The following CDH4 variants were observed in gnomAD, a reference collection of about 807,000 sequenced individuals.
The protein encoded by CDH4 is cadherin-4.
Under a neutral mutation model 86.0 loss-of-function variants are expected in CDH4, and 33 were observed. The observed-to-expected ratio is 0.38, with a 90% CI of 0.29 to 0.51. The LOEUF (loss-of-function observed/expected upper bound fraction) is 0.51. Ranked by LOEUF, CDH4 falls within the 20% of genes least tolerant of loss-of-function variation. The pLI is 0.86. For synonymous variants in CDH4, 555 were observed against 549.4 expected (o/e 1.01, Z -0.14); for missense variants, 1,114 against 1,307.4 (o/e 0.85, Z 2.28).
At chr20:61,771,253 AGCTGTCTT>A (rs2088773146) in intron 3 of CDH4, among the ~76,000 whole-genome samples, 2 of 151,574 alleles carry the variant, frequency 1.3e-5, no homozygotes, top group Admixed American at 6.6e-5. Context: ...CAGGTGATCC[AGCTGTCTT>A]GACCTCCCAA....
At chr20:61,897,663 A>G (rs2122879599) in intron 8 of CDH4, among the ~76,000 whole-genome samples, 1 of 152,300 alleles carries the variant, frequency 6.6e-6, no homozygotes, top group South Asian at 2.1e-4. Context: ...GGACTGGGGC[A>G]GAGGGTCCCC....
At chr20:61,647,556 T>TCTCTCTCTCTCTCTCTCTCTCTCTCTCC (rs1568731977) in intron 2 of CDH4, among the ~76,000 whole-genome samples, 1 of 105,786 alleles carries the variant, frequency 9.5e-6, no homozygotes, top group African/African-American at 3.5e-5. Flanking sequence ...CCTCTCCCTC[T>TCTCTCTCTCTCTCTCTCTCTCTCTCTCC]CCCTCTCCCT....
chr20:61,855,677 T>C (rs1438157799), intron 6 of CDH4, among the ~76,000 whole-genome samples: 5 of 152,262 alleles, frequency 3.3e-5, no homozygotes, highest in Admixed American at 6.5e-5. Context: ...CTTTGCTCAT[T>C]AGGATAACAA....
chr20:61,794,633 C>T (rs113983348), intron 4 of CDH4, among the ~76,000 whole-genome samples: 9,030 of 152,346 alleles, frequency 0.059, 382 homozygotes, highest in Middle Eastern at 0.13. Flanking sequence ...GCACCCACAG[C>T]TTCTGCTACA....
chr20:61,303,663 C>T (rs1160312276), intron 2 of CDH4, among the ~76,000 whole-genome samples: 8 of 152,240 alleles, frequency 5.3e-5, no homozygotes, highest in Non-Finnish European at 8.8e-5. Flanking sequence ...GCCTTCTCAC[C>T]TCCAGCGCCA....
chr20:61,785,502 G>C lies in CDH4; in HGVS notation c.576+12320G>C, dbSNP rs147536306. On this transcript the variant is annotated intron_variant, in intron 4 of 15. Coordinates refer to ENST00000614565, the MANE Select transcript of CDH4 (RefSeq NM_001794.5). ...GGTTTGTGACCCCTGGACTAACCCT[G>C]TCAGGTAGGATCGTCTGGTGGACAC... Among the ~76,000 whole-genome samples the C allele has an allele frequency of 7.2e-5, 11 of 152,312 alleles. No individual in the cohort carries two copies. The East Asian group carries it at 1.9e-3, about 27-fold the overall frequency.
intron 2 of CDH4, among the ~76,000 whole-genome samples, chr20:61,307,759 T>C (rs1197254421): frequency 6.6e-6 from 1 of 152,178 alleles, no homozygotes; most frequent in Admixed American, 6.5e-5. Context: ...TCTGCTGGTG[T>C]CCTGCAGGGC....
In CDH4 at chr20:61,518,834, C is replaced by G. The variant is rs142131981; in HGVS notation, c.170-224729C>G. On this transcript the variant is annotated intron_variant, in intron 2 of 15. Transcript: ENST00000614565. This position sits in a 1 kb window ranked among gnomAD's most constrained non-coding sequence, Gnocchi z 6.3. ...ATCATCCATCCATTAATCCATCATT[C>G]ATCCATTCATCCACCCATCACCCAT... Among the ~76,000 whole-genome samples, 8 of 152,182 alleles carry G rather than the reference C, an allele frequency of 5.3e-5. No homozygotes were observed. The highest frequency in any genetic ancestry group is 3.3e-4 in the Admixed American group (5 of 15,298).
chr20:61,354,487 C>T (rs1459771503), intron 2 of CDH4, among the ~76,000 whole-genome samples: 1 of 152,218 alleles, frequency 6.6e-6, no homozygotes, highest in Non-Finnish European at 1.5e-5. Context: ...CAGGTGGTGG[C>T]TGTTGCTGCT....
At chr20:61,841,302 C>T (rs530322104) in intron 4 of CDH4, among the ~76,000 whole-genome samples, 171 of 152,368 alleles carry the variant, frequency 1.1e-3, no homozygotes, top group African/African-American at 3.8e-3. Flanking sequence ...CTGTACTCCA[C>T]CTCAGCTGCC....
At chr20:61,710,485 G>C (rs1371903083) in intron 2 of CDH4, among the ~76,000 whole-genome samples, 1 of 152,226 alleles carries the variant, frequency 6.6e-6, no homozygotes, top group Non-Finnish European at 1.5e-5. Flanking sequence ...GGGAGCTTCA[G>C]ATGCACGTTC....
chr20:61,871,287 C>T lies in CDH4; in HGVS notation c.878-2441C>T, dbSNP rs114716129. On this transcript the variant is annotated intron_variant, in intron 6 of 15. Transcript: ENST00000614565. Reference sequence around the variant, plus strand: ...TTCACTGAATAATGAATGCCAGGCTCCTCGTGAGTTCCTTGTATTCCATTG... The same window carrying T: ...TTCACTGAATAATGAATGCCAGGCTTCTCGTGAGTTCCTTGTATTCCATTG... Among the ~76,000 whole-genome samples, 1,484 of 152,230 alleles carry T rather than the reference C, an allele frequency of 9.7e-3. 29 individuals are homozygous for T. Among genetic ancestry groups the T allele is most frequent in the African/African-American group, 0.033 (1,381 of 41,524 alleles).
At chr20:61,831,700 G>T (rs55840631) in intron 4 of CDH4, among the ~76,000 whole-genome samples, 17,940 of 152,264 alleles carry the variant, frequency 0.12, 1,770 homozygotes, top group African/African-American at 0.26. Context: ...CCCTCATGTG[G>T]TCCCTCCAGG....
chr20:61,844,874 C>A, intron 5 of CDH4, 51 bp downstream of exon 5: 3 of 1,553,646 alleles, frequency 1.9e-6, no homozygotes, highest in Non-Finnish European at 2.6e-6. Context: ...GCGATCCCAG[C>A]CCTACCAGGC....
intron 2 of CDH4, among the ~76,000 whole-genome samples, chr20:61,280,162 G>T (rs2084251172): frequency 6.6e-6 from 1 of 152,182 alleles, no homozygotes. Context: ...GTGACCCTGG[G>T]CTGTGTGTGG....
At chr20:61,878,361 G>T (rs758200422) in intron 7 of CDH4, among the ~76,000 whole-genome samples, 2 of 152,222 alleles carry the variant, frequency 1.3e-5, no homozygotes, top group Non-Finnish European at 2.9e-5. Flanking sequence ...GGCGTGGCCT[G>T]CAGCTGGCTC....
intron 6 of CDH4, among the ~76,000 whole-genome samples, chr20:61,869,853 C>T (rs1983720648): frequency 6.6e-6 from 1 of 152,222 alleles, no homozygotes; most frequent in South Asian, 2.1e-4. Context: ...CAGGAGAGAT[C>T]AGCTGGAAAT....
intron 2 of CDH4, among the ~76,000 whole-genome samples, chr20:61,682,332 G>A (rs1288350292): frequency 1.4e-5 from 2 of 146,774 alleles, no homozygotes; most frequent in Admixed American, 6.7e-5. Context: ...AGGGAGGGAG[G>A]GAGGAAGGGA....
intron 2 of CDH4, among the ~76,000 whole-genome samples, chr20:61,537,788 G>A (rs918802057): frequency 6.6e-6 from 1 of 152,208 alleles, no homozygotes; most frequent in Non-Finnish European, 1.5e-5. Flanking sequence ...AAGCCTCATT[G>A]AGTTGGAAGC....
Sources: allele counts gnomAD v4.1 joint callset (sites outside exome capture counted in the v4.1 genomes callset), GRCh38; gene constraint gnomAD v4.1.1; non-coding constraint Gnocchi (gnomAD v3.1); transcripts MANE v1.5; gene names NCBI Gene and HGNC (gene_info 2026-07-23, HGNC 2026-07-21).